HEATR5A: variants seen among roughly 807,000 people sequenced by gnomAD.
The protein encoded by HEATR5A is HEAT repeat containing 5A, also known as HEAT repeat-containing protein 5A.
HEATR5A carries 178 observed loss-of-function variants against 218.8 expected under a neutral mutation model. That is an observed-to-expected ratio of 0.81 (90% confidence interval 0.72 to 0.92). The LOEUF is 0.92. Among genes scored for constraint, HEATR5A ranks in the 40% least tolerant of loss-of-function variants. The probability of loss-of-function intolerance (pLI) is 0.00; values close to 1 mark genes in which losing one functional copy is unlikely to be tolerated. For missense variants in HEATR5A, 2,420 were observed against 2,418.9 expected, an observed-to-expected ratio of 1.00 and a Z score of -0.01; for synonymous variants, 864 against 871.6, an observed-to-expected ratio of 0.99 and a Z score of 0.15.
At position 31,394,072 on chromosome 14, in the gene HEATR5A, A is replaced by G. The variant is rs770480769; in HGVS notation, c.752T>C (p.Ile251Thr). Residue 251 changes from isoleucine to threonine, a missense_variant, in exon 6 of 36, where the codon ATT becomes ACT. Transcript: ENST00000543095. ...LLGIILAKAVISKHPGTAASR... is the reference protein window; with the variant it reads ...LLGIILAKAVTSKHPGTAASR... ...TTTACCTGTTCCTGGATGTTTAGAAATTACAGCTTTAGCTAATATTATGCC... is the reference window on the plus strand; with the variant it reads ...TTTACCTGTTCCTGGATGTTTAGAAGTTACAGCTTTAGCTAATATTATGCC... The G allele has an allele frequency of 9.8e-6, 15 of 1,524,834 alleles. 1 individual carries two copies. The South Asian group carries it at 1.8e-4, about 19-fold the overall frequency. 94.5% of individuals were successfully genotyped at this position (1,524,834 alleles called of 1,614,324 possible).
chr14:31,391,466 AG>A lies in HEATR5A; in HGVS notation c.773-2462del, dbSNP rs554994973. Among the ~76,000 whole-genome samples, 335 of 152,348 alleles carry A rather than the reference AG, an allele frequency of 2.2e-3. 2 individuals are homozygous for A. Among genetic ancestry groups the A allele is most frequent in the Admixed American group, 7.7e-3 (118 of 15,302 alleles). ...TAAATGTTATTATAAAAATATTCAA[AG>A]GAATCAAAAATTTTAAAAATTAAAA... On this transcript the variant is annotated intron_variant, in intron 6 of 35. Transcript: ENST00000543095.
intron 17 of HEATR5A, 76 bp downstream of exon 17, chr14:31,350,536 T>C (rs1901184152): frequency 1.1e-5 from 8 of 760,954 alleles, no homozygotes; most frequent in African/African-American, 3.6e-5. Flanking sequence ...AAAAACATCA[T>C]CCTCCGACAA....
intron 1 of HEATR5A, among the ~76,000 whole-genome samples, chr14:31,419,282 GAA>G (rs199743106): frequency 7.0e-6 from 1 of 142,524 alleles, no homozygotes; most frequent in Non-Finnish European, 1.5e-5. Flanking sequence ...TATCAGTGAA[GAA>G]AAAAAAAAAG....
rs74043922 is a variant in HEATR5A, at chr14:31,321,479, C to A, written c.3969+20G>T. 3.8e-4 allele frequency: 579 copies of A among 1,541,492 alleles called. 2 individuals carry two copies. The African/African-American group carries it at 6.9e-3, about 18-fold the overall frequency. ...TATCTGTGTGTTTAATAATAAAATT[C>A]TCTAAAAGAAAGTGCTTACATTGGC... On this transcript the variant is annotated intron_variant, in intron 25 of 35. Coordinates refer to ENST00000543095, the MANE Select transcript of HEATR5A (RefSeq NM_015473.4).
At chr14:31,331,100 A>G (rs949548838) in intron 22 of HEATR5A, among the ~76,000 whole-genome samples, 1 of 151,370 alleles carries the variant, frequency 6.6e-6, no homozygotes, top group East Asian at 2.0e-4. Context: ...ACCACCACGC[A>G]TGGCTAAGTT....
rs763214554 is a variant in HEATR5A at position 31,374,805 on chromosome 14, A to G, written c.1861+11T>C. The G allele has an allele frequency of 1.2e-6, 2 of 1,600,654 alleles. No homozygotes were observed. The highest frequency in any genetic ancestry group is 3.5e-5 in the Admixed American group (2 of 56,378). On this transcript the variant is annotated intron_variant, in intron 12 of 35. Transcript: ENST00000543095. ...AAAGGAAAGGGAGAGAAAAGACTAA[A>G]TCCAACCTACCACACAGTGCACCAG...
rs551985816 is a variant in HEATR5A at position 31,316,433 on chromosome 14, C to T, written c.4039-484G>A. ...TTTCGAGAAATCCTATGGAAGGAGA[C>T]TGATAATGATAGTCAAAAGTCAGCA... On this transcript the variant is annotated intron_variant, in intron 26 of 35. Coordinates refer to ENST00000543095, the MANE Select transcript of HEATR5A (RefSeq NM_015473.4). 8.5e-5 allele frequency among the ~76,000 whole-genome samples: 13 copies of T among 152,196 alleles called. No individual in the cohort carries two copies. In the South Asian group the frequency reaches 2.7e-3, roughly 32 times the overall value.
chr14:31,356,322 T>C (rs538127214), intron 16 of HEATR5A, among the ~76,000 whole-genome samples: 1 of 152,286 alleles, frequency 6.6e-6, no homozygotes, highest in African/African-American at 2.4e-5. Context: ...CTGCAACCTC[T>C]AACTCCCAGT....
chr14:31,365,253 A>C (rs1901760066), intron 13 of HEATR5A, among the ~76,000 whole-genome samples: 1 of 152,174 alleles, frequency 6.6e-6, no homozygotes, highest in African/African-American at 2.4e-5. Flanking sequence ...TAATGAAATT[A>C]CTTTTATTAT....
At chr14:31,348,541 C>T (rs901721232) in intron 18 of HEATR5A, among the ~76,000 whole-genome samples, 1 of 152,178 alleles carries the variant, frequency 6.6e-6, no homozygotes, top group African/African-American at 2.4e-5. Flanking sequence ...CACAATCACA[C>T]CACTGTACTC....
At chr14:31,328,246 T>G (rs879644268) in intron 22 of HEATR5A, among the ~76,000 whole-genome samples, 5 of 152,156 alleles carry the variant, frequency 3.3e-5, no homozygotes, top group Non-Finnish European at 7.3e-5. Context: ...CCACTGTGCC[T>G]GGCCTTTGTG....
Position 31,305,180 on chromosome 14 carries a change from AAAAG to A in HEATR5A, c.4967-7_4967-4del, listed in dbSNP as rs1241176630. On this transcript the variant is annotated splice_polypyrimidine_tract_variant and splice_region_variant and intron_variant, in intron 31 of 35. Transcript: ENST00000543095. The stretch of plus-strand genomic sequence containing the variant: ...CTTTTCAGCAGCCCCATCATCAACT[AAAAG>A]AAAGAATAGTGTTTAATACTTTGTG... 1.9e-6 allele frequency: 3 copies of A among 1,612,030 alleles called. No individual in the cohort carries two copies. Among genetic ancestry groups the A allele is most frequent in the African/African-American group, 2.7e-5 (2 of 74,764 alleles).
intron 8 of HEATR5A, among the ~76,000 whole-genome samples, chr14:31,386,806 T>C (rs1408854871): frequency 6.6e-6 from 1 of 152,094 alleles, no homozygotes; most frequent in Non-Finnish European, 1.5e-5. Flanking sequence ...CCCTTATTAC[T>C]CCCTTAGCAA....
chr14:31,399,058 T>C (rs7144879), intron 3 of HEATR5A, among the ~76,000 whole-genome samples: 55,922 of 152,114 alleles, frequency 0.37, 10,885 homozygotes, highest in Non-Finnish European at 0.43. Context: ...TTTACAGTAA[T>C]AGCTGTTACA....
rs1415553740 is a variant in HEATR5A at position 31,293,589 on chromosome 14, A to G, written c.5857T>C (p.Leu1953=). Residue 1953 remains leucine (L), a synonymous_variant, in exon 36 of 36, where the codon TTG becomes CTG. Coordinates refer to ENST00000543095, the MANE Select transcript of HEATR5A (RefSeq NM_015473.4). ...AAAAGGAAGGAAATGAGGATGGGCAAAAGACAGGCCACCAGCTGAGCGCCT... is the reference window on the plus strand; with the variant it reads ...AAAAGGAAGGAAATGAGGATGGGCAGAAGACAGGCCACCAGCTGAGCGCCT... ...HHRAQLVACL[L]PILISFLLDE... 1 of 1,611,694 alleles carries G rather than the reference A, an allele frequency of 6.2e-7. No homozygotes were observed. The highest frequency in any genetic ancestry group is 8.5e-7 in the Non-Finnish European group (1 of 1,179,150).
At chr14:31,410,157 C>G (rs1027884307) in intron 1 of HEATR5A, among the ~76,000 whole-genome samples, 5 of 152,122 alleles carry the variant, frequency 3.3e-5, no homozygotes. Context: ...TATCAAGTAC[C>G]TGAAGTGTTG....
At chr14:31,330,313 T>G (rs1329842140) in intron 22 of HEATR5A, among the ~76,000 whole-genome samples, 1 of 152,134 alleles carries the variant, frequency 6.6e-6, no homozygotes, top group African/African-American at 2.4e-5. Context: ...TGTACCTTGG[T>G]CCCTTTTAGC....
chr14:31,302,573 T>C (rs2139131663), intron 32 of HEATR5A, 54 bp from the exon 33 acceptor site: 1 of 1,193,106 alleles, frequency 8.4e-7, no homozygotes, highest in Non-Finnish European at 1.2e-6. Context: ...ATATATGGTT[T>C]CTAAAAAGAA....
At position 31,403,289 on chromosome 14, in the gene HEATR5A, T is replaced by C. The variant is rs539677558; in HGVS notation, c.-74-240A>G. ...AATATTTGCATTTGTATGCAAAAAC[T>C]TGCTAAACAGAAGAGACATTCCACT... On this transcript the variant is annotated intron_variant, in intron 1 of 35. Transcript: ENST00000543095. Among the ~76,000 whole-genome samples, 10 of 152,288 alleles carry C rather than the reference T, an allele frequency of 6.6e-5. No homozygotes were observed. In the East Asian group the frequency reaches 1.9e-3, roughly 29 times the overall value.
Sources: allele counts gnomAD v4.1 joint callset (sites outside exome capture counted in the v4.1 genomes callset), GRCh38; gene constraint gnomAD v4.1.1; transcripts MANE v1.5; gene names NCBI Gene and HGNC (gene_info 2026-07-23, HGNC 2026-07-21).